SH3PXD2B: variants seen among roughly 807,000 people sequenced by gnomAD.
SH3PXD2B encodes the protein SH3 and PX domains 2B, also known as SH3 and PX domain-containing protein 2B.
In SH3PXD2B, 37 loss-of-function variants were observed where a neutral mutation model predicts 73.1. That is an observed-to-expected ratio of 0.51 (90% confidence interval 0.39 to 0.67). The LOEUF is 0.67. Among genes scored for constraint, SH3PXD2B ranks in the 30% least tolerant of loss-of-function variants. The pLI is 0.00. For missense variants in SH3PXD2B, 1,053 were observed against 1,197.8 expected, an observed-to-expected ratio of 0.88 and a Z score of 1.78; for synonymous variants, 457 against 480.5, an observed-to-expected ratio of 0.95 and a Z score of 0.64.
At chr5:172,343,433 G>A (rs1444723115) in intron 12 of SH3PXD2B, among the ~76,000 whole-genome samples, 1 of 152,224 alleles carries the variant, frequency 6.6e-6, no homozygotes, top group Non-Finnish European at 1.5e-5. Context: ...CTGAACATGT[G>A]TGTTCTGAAC....
chr5:172,416,181 A>C (rs1241222761), intron 2 of SH3PXD2B, among the ~76,000 whole-genome samples: 1 of 152,132 alleles, frequency 6.6e-6, no homozygotes, highest in East Asian at 1.9e-4. Context: ...TTAAAAAATT[A>C]GTCAGGCGTG....
At chr5:172,403,842 G>T (rs1758489903) in intron 3 of SH3PXD2B, among the ~76,000 whole-genome samples, 1 of 152,348 alleles carries the variant, frequency 6.6e-6, no homozygotes, top group Non-Finnish European at 1.5e-5. Flanking sequence ...CCAGGACCCT[G>T]TTTCTGCCTT....
At chr5:172,444,167 TA>T (rs1759609888) in intron 1 of SH3PXD2B, among the ~76,000 whole-genome samples, 1 of 152,186 alleles carries the variant, frequency 6.6e-6, no homozygotes, top group Non-Finnish European at 1.5e-5. Flanking sequence ...TAGGGTCAGG[TA>T]ATCCGGCTGG....
rs1756750615 is a variant in SH3PXD2B, at chr5:172,338,274, G to A, written c.*95C>T. On this transcript the variant is annotated 3_prime_UTR_variant, in exon 13 of 13. Coordinates refer to ENST00000311601, the MANE Select transcript of SH3PXD2B (RefSeq NM_001017995.3). The surrounding 1 kb of genome is among the most constrained non-coding windows in gnomAD (Gnocchi z 5.1). ...AGTACCCCAGAGTCTGTCTGCCTTG[G>A]AAGCTGCGTGGAGAATGATAAATTA... The A allele has an allele frequency of 4.4e-6, 7 of 1,605,792 alleles. No individual in the cohort carries two copies. The highest frequency in any genetic ancestry group is 5.1e-6 in the Non-Finnish European group (6 of 1,177,834).
At chr5:172,402,694 A>G (rs1758447755) in intron 3 of SH3PXD2B, among the ~76,000 whole-genome samples, 1 of 152,200 alleles carries the variant, frequency 6.6e-6, no homozygotes, top group Non-Finnish European at 1.5e-5. Context: ...ATTTTGGGGA[A>G]GGCATTTACC....
In SH3PXD2B at chr5:172,337,894, G is replaced by A; in HGVS notation, c.*475C>T. The stretch of plus-strand genomic sequence containing the variant: ...TTCCTTCTGGTAGCAGGCAATTTAG[G>A]AGGAGTGAATAAAGCCACTGGGCTT... On this transcript the variant is annotated 3_prime_UTR_variant, in exon 13 of 13. Coordinates refer to ENST00000311601, the MANE Select transcript of SH3PXD2B (RefSeq NM_001017995.3). The A allele has an allele frequency of 9.9e-7, 1 of 1,013,444 alleles. No individual in the cohort carries two copies. Among genetic ancestry groups the A allele is most frequent in the Non-Finnish European group, 1.2e-6 (1 of 846,268 alleles). The allele number at this position is 1,013,444 out of a possible 1,614,324, so 62.8% of individuals were successfully genotyped here.
At chr5:172,406,404 A>G in intron 2 of SH3PXD2B, 52 bp from the exon 3 acceptor site, 6 of 1,553,200 alleles carry the variant, frequency 3.9e-6, no homozygotes, top group Non-Finnish European at 5.3e-6. Context: ...TGCACTAAAC[A>G]TCATCTAGGA....
chr5:172,401,900 C>G (rs896491567), intron 3 of SH3PXD2B, among the ~76,000 whole-genome samples: 2 of 152,064 alleles, frequency 1.3e-5, no homozygotes, highest in Non-Finnish European at 2.9e-5. Context: ...GCCTCAGGAC[C>G]CTGTGATGAT....
At chr5:172,423,163 G>A (rs1476753069) in intron 1 of SH3PXD2B, among the ~76,000 whole-genome samples, 2 of 152,152 alleles carry the variant, frequency 1.3e-5, no homozygotes, top group Non-Finnish European at 2.9e-5. Context: ...TTGATAACAA[G>A]CCCGGGCAAA....
At chr5:172,362,087 C>A (rs1485961803) in intron 7 of SH3PXD2B, among the ~76,000 whole-genome samples, 1 of 152,204 alleles carries the variant, frequency 6.6e-6, no homozygotes, top group African/African-American at 2.4e-5. Context: ...TTTTGAGCAT[C>A]TACTGTGTGC....
chr5:172,326,232 T>C (rs1756445504), intron 12 of SH3PXD2B, among the ~76,000 whole-genome samples: 1 of 152,230 alleles, frequency 6.6e-6, no homozygotes, highest in Non-Finnish European at 1.5e-5. Flanking sequence ...TTCCTCATAT[T>C]TATTCACTGT....
At chr5:172,346,404 A>G in intron 11 of SH3PXD2B, 143 bp from the exon 12 acceptor site, 1 of 1,264,974 alleles carries the variant, frequency 7.9e-7, no homozygotes, top group South Asian at 1.3e-5. Flanking sequence ...GACAACACAA[A>G]TAGGACCACG....
chr5:172,358,822 G>C lies in SH3PXD2B; in HGVS notation c.618C>G (p.Leu206=), dbSNP rs748325761. ...CATCCTGCACCCCATCCTGGCCTTC[G>C]AGGCACGTTGCAGGGACCCAGCCTT... ...EEQGWVPATC[L]EGQDGVQDEF... The change falls in exon 8 of 13, where the codon CTC becomes CTG. Residue 206 remains leucine, a synonymous_variant. Transcript: ENST00000311601. The C allele has an allele frequency of 1.2e-6, 2 of 1,613,988 alleles. No homozygotes were observed. The highest frequency in any genetic ancestry group is 1.7e-6 in the Non-Finnish European group (2 of 1,179,950).
In SH3PXD2B at chr5:172,337,769, C is replaced by T; in HGVS notation, c.*600G>A. On this transcript the variant is annotated 3_prime_UTR_variant, in exon 13 of 13. Transcript: ENST00000311601. Reference sequence around the variant, plus strand: ...ATCTCCAGGCCCACTCCTGGGGGAGCCGCATCCAGTGGAACCTCAGAGGCC... The same window carrying T: ...ATCTCCAGGCCCACTCCTGGGGGAGTCGCATCCAGTGGAACCTCAGAGGCC... The T allele has an allele frequency of 1.0e-6, 1 of 995,880 alleles. No homozygotes were observed. The highest frequency in any genetic ancestry group is 1.2e-6 in the Non-Finnish European group (1 of 835,992). The allele number at this position is 995,880 out of a possible 1,614,324, so 61.7% of individuals were successfully genotyped here.
In SH3PXD2B at chr5:172,341,197, C is replaced by T. The variant is rs180753640; in HGVS notation, c.1189-1281G>A. ...AAATTCGTATGTTGAAGCCCTAACC[C>T]CCAATACCTCCAACTGTGACTGTAC... On this transcript the variant is annotated intron_variant, in intron 12 of 12. Transcript: ENST00000311601. Among the ~76,000 whole-genome samples the T allele has an allele frequency of 3.2e-4, 49 of 152,288 alleles. No individual in the cohort carries two copies. In the East Asian group the frequency reaches 8.9e-3, roughly 28 times the overall value.
At chr5:172,332,103 G>A (rs1756566159), downstream of SH3PXD2B, among the ~76,000 whole-genome samples, 1 of 152,086 alleles carries the variant, frequency 6.6e-6, no homozygotes, top group South Asian at 2.1e-4. Context: ...TGGTCCCATT[G>A]CCGTCCCATC....
chr5:172,394,885 G>A (rs540540863), intron 3 of SH3PXD2B, among the ~76,000 whole-genome samples: 1 of 152,252 alleles, frequency 6.6e-6, no homozygotes, highest in African/African-American at 2.4e-5. Context: ...ATAAGTTTTG[G>A]TGAGATAAGG....
rs200664799 is a variant in SH3PXD2B at position 172,339,643 on chromosome 5, A to G, written c.1462T>C (p.Trp488Arg). The change falls in exon 13 of 13, where the codon TGG (tryptophan) becomes CGG (arginine). Residue 488 changes from tryptophan (W) to arginine (R), a missense_variant. This residue lies in a region of SH3PXD2B where 587 missense variants were observed against 590.7 expected (regional missense o/e 0.99). Coordinates refer to ENST00000311601, the MANE Select transcript of SH3PXD2B (RefSeq NM_001017995.3). This position sits in a 1 kb window ranked among gnomAD's most constrained non-coding sequence, Gnocchi z 6.1. ...MDSGLPWSKDWKGSKDVLRKA... is the reference protein window; with the variant it reads ...MDSGLPWSKDRKGSKDVLRKA... Reference sequence around the variant, plus strand: ...CTCAGGACATCCTTACTGCCCTTCCAGTCTTTAGACCATGGCAACCCCGAG... The same window carrying G: ...CTCAGGACATCCTTACTGCCCTTCCGGTCTTTAGACCATGGCAACCCCGAG... 1 of 1,614,206 alleles carries G rather than the reference A, an allele frequency of 6.2e-7. No homozygotes were observed. The highest frequency in any genetic ancestry group is 2.2e-5 in the East Asian group (1 of 44,868).
In SH3PXD2B at chr5:172,368,467, A is replaced by T. The variant is rs867896691; in HGVS notation, c.427+5323T>A. 2.3e-3 allele frequency among the ~76,000 whole-genome samples: 86 copies of T among 37,600 alleles called. 1 individual carries two copies. The highest frequency in any genetic ancestry group is 2.6e-3 in the Non-Finnish European group (63 of 23,824). The allele number at this position is 37,600 out of a possible 152,430, so 24.7% of individuals were successfully genotyped here. A position where few individuals can be genotyped will look rare whatever the true frequency, so the allele number is the denominator to read the frequency against. ...GCTAAGAATGCTTATATATATATAT[A>T]TTATATATATATATAAAATATATAT... is the stretch of plus-strand genomic sequence containing the variant. On this transcript the variant is annotated intron_variant, in intron 6 of 12. Transcript: ENST00000311601.
Sources: gnomAD v4.1 joint callset for allele counts (sites outside exome capture counted in the v4.1 genomes callset) on GRCh38, gnomAD v4.1.1 for gene constraint, gnomAD v4.1.1 regional missense constraint, Gnocchi (gnomAD v3.1) non-coding constraint, MANE v1.5 for transcripts, NCBI Gene and HGNC (gene_info 2026-07-23, HGNC 2026-07-21) for gene names.